The following AUTS2 variants were observed in gnomAD, a reference collection of about 807,000 sequenced individuals.
AUTS2 encodes the protein autism susceptibility gene 2 protein.
A neutral mutation model predicts 112.4 loss-of-function variants in AUTS2; 17 were observed. The observed-to-expected ratio is 0.15, with a 90% CI of 0.10 to 0.23. AUTS2 has a LOEUF of 0.23. Among genes scored for constraint, AUTS2 ranks in the 10% least tolerant of loss-of-function variants. AUTS2 has a pLI of 1.00. For synonymous variants in AUTS2, 751 were observed against 702.7 expected, an observed-to-expected ratio of 1.07 and a Z score of -1.09; for missense variants, 1,510 against 1,701.6, an observed-to-expected ratio of 0.89 and a Z score of 1.98.
At chr7:70,032,259 T>C (rs2129556666) in intron 2 of AUTS2, among the ~76,000 whole-genome samples, 1 of 152,256 alleles carries the variant, frequency 6.6e-6, no homozygotes, top group East Asian at 1.9e-4. Flanking sequence ...CTCCGCTGTA[T>C]CATAAATTTG....
chr7:70,618,622 C>T (rs1264711636), intron 5 of AUTS2, among the ~76,000 whole-genome samples: 2 of 152,142 alleles, frequency 1.3e-5, no homozygotes, highest in African/African-American at 4.8e-5. Flanking sequence ...AGCTGTTTCC[C>T]CAGCAAAGCA....
intron 2 of AUTS2, among the ~76,000 whole-genome samples, chr7:69,917,617 T>C (rs1795636195): frequency 6.6e-6 from 1 of 152,166 alleles, no homozygotes; most frequent in Non-Finnish European, 1.5e-5. Context: ...AACTACATAT[T>C]GTAGTAGTTA....
At chr7:70,143,612 T>A (rs1253404507) in intron 4 of AUTS2, among the ~76,000 whole-genome samples, 1 of 152,212 alleles carries the variant, frequency 6.6e-6, no homozygotes, top group Non-Finnish European at 1.5e-5. Context: ...TGCTCTGAAA[T>A]CTTTGGTGTC....
At chr7:70,337,855 C>T (rs1791066843) in intron 4 of AUTS2, among the ~76,000 whole-genome samples, 1 of 152,194 alleles carries the variant, frequency 6.6e-6, no homozygotes, top group Non-Finnish European at 1.5e-5. Context: ...TTGCTCTCTG[C>T]CTCAGTTTAC....
chr7:69,609,067 A>G (rs966481801), intron 1 of AUTS2, among the ~76,000 whole-genome samples: 3 of 152,144 alleles, frequency 2.0e-5, no homozygotes, highest in African/African-American at 7.2e-5. Flanking sequence ...GTCTTTAGTG[A>G]TGTAGTTCTA....
chr7:70,685,147 C>G (rs545511011), intron 5 of AUTS2, among the ~76,000 whole-genome samples: 1 of 152,170 alleles, frequency 6.6e-6, no homozygotes, highest in Non-Finnish European at 1.5e-5. Flanking sequence ...CTAACCAAAG[C>G]TAGAAATGAG....
chr7:70,533,581 C>A lies in AUTS2; in HGVS notation c.690+97800C>A, dbSNP rs1349623797. Among the ~76,000 whole-genome samples the A allele has an allele frequency of 2.6e-5, 4 of 152,206 alleles. No homozygotes were observed. In the East Asian group the frequency reaches 7.7e-4, roughly 29 times the overall value. ...ACAGCTGTTTTCTGTTCAGCTGTCC[C>A]TTACATTGTAGCTCTATGCTGGAAC... On this transcript the variant is annotated intron_variant, in intron 5 of 18. Coordinates refer to ENST00000342771, the MANE Select transcript of AUTS2 (RefSeq NM_015570.4).
At chr7:70,037,023 TTA>T (rs1801036106) in intron 2 of AUTS2, among the ~76,000 whole-genome samples, 1 of 152,178 alleles carries the variant, frequency 6.6e-6, no homozygotes, top group Non-Finnish European at 1.5e-5. Flanking sequence ...AAAAAAATAA[TTA>T]TATTTATACA....
At chr7:70,348,917 A>G (rs796986267) in intron 4 of AUTS2, among the ~76,000 whole-genome samples, 11 of 152,394 alleles carry the variant, frequency 7.2e-5, no homozygotes, top group African/African-American at 2.4e-4. Context: ...TATGTGCTCT[A>G]TAGTTGTCAT....
chr7:70,737,646 T>C (rs1477239758), intron 6 of AUTS2, among the ~76,000 whole-genome samples: 1 of 152,192 alleles, frequency 6.6e-6, no homozygotes. Flanking sequence ...AGTTACTAAA[T>C]AGTTTCCAGA....
At chr7:69,664,998 TGAG>T (rs1397304846) in intron 1 of AUTS2, among the ~76,000 whole-genome samples, 1 of 152,170 alleles carries the variant, frequency 6.6e-6, no homozygotes, top group Non-Finnish European at 1.5e-5. Flanking sequence ...CACCTTTACT[TGAG>T]GTTCTTTAGG....
At chr7:70,231,523 A>T (rs1185246797) in intron 4 of AUTS2, among the ~76,000 whole-genome samples, 1 of 151,894 alleles carries the variant, frequency 6.6e-6, no homozygotes, top group Non-Finnish European at 1.5e-5. Flanking sequence ...GCTCACTGCA[A>T]GCTCCACCTC....
At chr7:70,786,913 G>A (rs1396519497) in intron 17 of AUTS2, 3 of 464,424 alleles carry the variant, frequency 6.5e-6, no homozygotes, top group Non-Finnish European at 1.2e-5. Flanking sequence ...GCATGCACCA[G>A]ATACGTTGAA....
chr7:70,454,420 C>T (rs1442898921), intron 5 of AUTS2, among the ~76,000 whole-genome samples: 1 of 151,984 alleles, frequency 6.6e-6, no homozygotes, highest in Admixed American at 6.6e-5. Flanking sequence ...ACCTGTAATC[C>T]CAGCTACTCT....
intron 1 of AUTS2, among the ~76,000 whole-genome samples, chr7:69,786,145 A>T (rs1253493899): frequency 6.6e-6 from 1 of 152,230 alleles, no homozygotes; most frequent in Non-Finnish European, 1.5e-5. Context: ...AGAGGATTGC[A>T]AATGCACCAA....
chr7:69,978,859 A>AACACAC (rs71068004), intron 2 of AUTS2, among the ~76,000 whole-genome samples: 12,598 of 129,540 alleles, frequency 0.097, 885 homozygotes, highest in African/African-American at 0.16. Flanking sequence ...TCAAAGAAAC[A>AACACAC]ACACACACAC....
At chr7:70,153,618 A>T (rs1807576099) in intron 4 of AUTS2, among the ~76,000 whole-genome samples, 1 of 152,218 alleles carries the variant, frequency 6.6e-6, no homozygotes, top group Non-Finnish European at 1.5e-5. Flanking sequence ...AAATGATTAT[A>T]AAAACTATTT....
intron 4 of AUTS2, among the ~76,000 whole-genome samples, chr7:70,220,289 T>C (rs979256123): frequency 5.7e-4 from 86 of 152,200 alleles, no homozygotes; most frequent in African/African-American, 2.0e-3. Context: ...AGCTCATGGG[T>C]TATACAAAAG....
intron 4 of AUTS2, among the ~76,000 whole-genome samples, chr7:70,348,932 G>A (rs1300860216): frequency 6.6e-6 from 1 of 152,136 alleles, no homozygotes; most frequent in African/African-American, 2.4e-5. Flanking sequence ...TGTCATGGAG[G>A]GCCAAAGAAA....
Sources: gnomAD v4.1 joint callset for allele counts (sites outside exome capture counted in the v4.1 genomes callset) on GRCh38, gnomAD v4.1.1 for gene constraint, MANE v1.5 for transcripts, NCBI Gene and HGNC (gene_info 2026-07-23, HGNC 2026-07-21) for gene names.